The following AGBL1 variants were observed in gnomAD, a reference collection of about 807,000 sequenced individuals.
The protein encoded by AGBL1 is cytosolic carboxypeptidase 4.
AGBL1 carries 130 observed loss-of-function variants against 118.9 expected under a neutral mutation model. That is an observed-to-expected ratio of 1.09 (90% confidence interval 0.95 to 1.26). The LOEUF (loss-of-function observed/expected upper bound fraction) is 1.26. Ranked by LOEUF, AGBL1 falls within the 50% of genes most tolerant of loss-of-function variation. AGBL1 has a pLI of 0.00. For synonymous variants in AGBL1, 555 were observed against 478.9 expected (o/e 1.16, Z -2.08); for missense variants, 1,584 against 1,298.1 (o/e 1.22, Z -3.38).
intron 1 of AGBL1, among the ~76,000 whole-genome samples, chr15:86,119,311 G>A (rs1030581165): frequency 2.0e-5 from 3 of 151,932 alleles, no homozygotes; most frequent in South Asian, 4.2e-4. Context: ...TTAAGTGTAG[G>A]TAGGACTCCT....
chr15:86,244,016 T>C (rs1236175405), intron 6 of AGBL1, among the ~76,000 whole-genome samples: 31 of 150,576 alleles, frequency 2.1e-4, no homozygotes, highest in Non-Finnish European at 4.1e-4. Flanking sequence ...TGAGACTCTG[T>C]CTTAAAATAA....
chr15:86,431,469 A>AGG (rs1299780042), intron 18 of AGBL1, among the ~76,000 whole-genome samples: 1 of 152,206 alleles, frequency 6.6e-6, no homozygotes, highest in Non-Finnish European at 1.5e-5. Context: ...AATTTGCAAT[A>AGG]GGGCAATTTG....
chr15:86,999,688 C>T (rs567442669), intron 24 of AGBL1, among the ~76,000 whole-genome samples: 99 of 151,448 alleles, frequency 6.5e-4, no homozygotes, highest in African/African-American at 2.3e-3. Context: ...AATAAACACA[C>T]GGGTGCATGT....
chr15:86,971,651 C>G (rs1181301266), intron 23 of AGBL1, among the ~76,000 whole-genome samples: 1 of 151,888 alleles, frequency 6.6e-6, no homozygotes, highest in African/African-American at 2.4e-5. Context: ...CTCTTATTTG[C>G]GTAACTTAAA....
At chr15:86,572,327 G>C (rs1242906045) in intron 21 of AGBL1, among the ~76,000 whole-genome samples, 1 of 152,208 alleles carries the variant, frequency 6.6e-6, no homozygotes, top group African/African-American at 2.4e-5. Flanking sequence ...CCTGGTTCCC[G>C]CTGGCTCCAT....
chr15:86,522,749 T>C, intron 18 of AGBL1, 61 bp from the exon 19 acceptor site: 1 of 1,568,050 alleles, frequency 6.4e-7, no homozygotes, highest in Admixed American at 1.9e-5. Flanking sequence ...TGTGGAGCTT[T>C]ATTTTCTCAA....
chr15:86,441,521 G>T (rs2082064343), intron 18 of AGBL1, among the ~76,000 whole-genome samples: 1 of 152,276 alleles, frequency 6.6e-6, no homozygotes, highest in South Asian at 2.1e-4. Context: ...GAGAGTAGGG[G>T]TGCCAATGAC....
intron 3 of AGBL1, among the ~76,000 whole-genome samples, chr15:86,146,247 T>C (rs1342761099): frequency 6.6e-6 from 1 of 152,242 alleles, no homozygotes. Context: ...AAATTTTATC[T>C]GTACTAAACA....
At chr15:86,865,447 C>G (rs2079612953) in intron 22 of AGBL1, among the ~76,000 whole-genome samples, 1 of 152,154 alleles carries the variant, frequency 6.6e-6, no homozygotes, top group South Asian at 2.1e-4. Flanking sequence ...AACACAGGCC[C>G]TTGGCATAAT....
At chr15:86,174,368 TATA>T (rs2077454207) in intron 5 of AGBL1, among the ~76,000 whole-genome samples, 1 of 152,114 alleles carries the variant, frequency 6.6e-6, no homozygotes, top group Admixed American at 6.5e-5. Flanking sequence ...TTTTTCTAAA[TATA>T]ATAAGATCAC....
chr15:86,664,451 T>C (rs1405007122), intron 21 of AGBL1, among the ~76,000 whole-genome samples: 1 of 152,210 alleles, frequency 6.6e-6, no homozygotes, highest in Non-Finnish European at 1.5e-5. Context: ...TTAATTCAAG[T>C]TCAGAGCCTC....
At chr15:86,244,647 G>T (rs1023617146) in intron 6 of AGBL1, among the ~76,000 whole-genome samples, 10 of 152,054 alleles carry the variant, frequency 6.6e-5, no homozygotes, top group Non-Finnish European at 8.8e-5. Flanking sequence ...GAAAATTAAA[G>T]ATTTTTTTTC....
intron 22 of AGBL1, among the ~76,000 whole-genome samples, chr15:86,845,666 C>G (rs956382432): frequency 1.2e-4 from 19 of 152,124 alleles, no homozygotes; most frequent in African/African-American, 4.6e-4. Context: ...ATTATTTCAT[C>G]TTTTTTGATA....
chr15:86,572,955 CTCTATT>C (rs796436007), intron 21 of AGBL1, among the ~76,000 whole-genome samples: 3 of 152,350 alleles, frequency 2.0e-5, no homozygotes, highest in African/African-American at 7.2e-5. Context: ...TAAGAATCAT[CTCTATT>C]TCTAACAGTA....
chr15:86,791,428 A>G (rs909781683), intron 22 of AGBL1, among the ~76,000 whole-genome samples: 1 of 152,016 alleles, frequency 6.6e-6, no homozygotes, highest in Non-Finnish European at 1.5e-5. Context: ...AATTCACCTC[A>G]CCCATAGCAG....
intron 23 of AGBL1, among the ~76,000 whole-genome samples, chr15:86,948,492 A>G (rs895846626): frequency 3.3e-5 from 5 of 152,232 alleles, no homozygotes; most frequent in African/African-American, 1.2e-4. Flanking sequence ...AAACTCACCT[A>G]AGTGGACACT....
intron 24 of AGBL1, among the ~76,000 whole-genome samples, chr15:87,015,936 G>C (rs754578698): frequency 6.6e-6 from 1 of 152,264 alleles, no homozygotes; most frequent in Non-Finnish European, 1.5e-5. Context: ...GAAGTTTACT[G>C]TGTCCTAGGT....
At chr15:86,927,251 C>T (rs1381252311) in intron 23 of AGBL1, among the ~76,000 whole-genome samples, 1 of 152,160 alleles carries the variant, frequency 6.6e-6, no homozygotes, top group Non-Finnish European at 1.5e-5. Flanking sequence ...CTGAGTATCT[C>T]TGTTCCTTAT....
intron 17 of AGBL1, among the ~76,000 whole-genome samples, chr15:86,357,952 C>A (rs1705517352): frequency 6.6e-6 from 1 of 152,004 alleles, no homozygotes; most frequent in South Asian, 2.1e-4. Flanking sequence ...TTTTGATGTG[C>A]AGATACATTG....
Sources: gnomAD v4.1 joint callset for allele counts (sites outside exome capture counted in the v4.1 genomes callset) on GRCh38, gnomAD v4.1.1 for gene constraint, MANE v1.5 for transcripts, NCBI Gene and HGNC (gene_info 2026-07-23, HGNC 2026-07-21) for gene names.